The following FHIT variants were observed in gnomAD, a reference collection of about 807,000 sequenced individuals.
The protein encoded by FHIT is bis(5'-adenosyl)-triphosphatase.
FHIT carries 19 observed loss-of-function variants against 17.9 expected under a neutral mutation model. That is an observed-to-expected ratio of 1.06 (90% CI 0.74 to 1.56). FHIT has a LOEUF of 1.56. FHIT is among the 40% of genes most tolerant of loss of function. FHIT has a pLI of 0.00. For synonymous variants in FHIT, 81 were observed against 69.7 expected, an observed-to-expected ratio of 1.16 and a Z score of -0.81; for missense variants, 248 against 189.2, an observed-to-expected ratio of 1.31 and a Z score of -1.82.
chr3:60,276,543 C>A (rs185116684), intron 5 of FHIT, among the ~76,000 whole-genome samples: 5 of 152,194 alleles, frequency 3.3e-5, no homozygotes, highest in Admixed American at 2.0e-4. Context: ...GTTTGTGTCA[C>A]GAGCGAACAA....
In FHIT at chr3:60,860,131, T is replaced by A. The variant is rs928550154; in HGVS notation, c.-110-38120A>T. Among the ~76,000 whole-genome samples the A allele has an allele frequency of 1.7e-4, 25 of 147,898 alleles. 2 individuals are homozygous for A. The highest frequency in any genetic ancestry group is 1.8e-4 in the Non-Finnish European group (12 of 67,190). The stretch of plus-strand genomic sequence containing the variant: ...ATATATGATATATAAATGATATATC[T>A]GATATATATACATATGGTATATATG... On this transcript the variant is annotated intron_variant, in intron 3 of 9. Transcript: ENST00000492590.
chr3:60,142,605 G>A (rs1012298774), intron 5 of FHIT, among the ~76,000 whole-genome samples: 1 of 151,916 alleles, frequency 6.6e-6, no homozygotes, highest in Admixed American at 6.6e-5. Context: ...TTCACAGAGT[G>A]ATCCTCCTGC....
rs549299793 is a variant in FHIT, at chr3:60,301,749, A to T, written c.103+235111T>A. 2.6e-5 allele frequency among the ~76,000 whole-genome samples: 4 copies of T among 152,302 alleles called. No homozygotes were observed. In the South Asian group the frequency reaches 8.3e-4, roughly 32 times the overall value. On this transcript the variant is annotated intron_variant, in intron 5 of 9. Transcript: ENST00000492590. The stretch of plus-strand genomic sequence containing the variant: ...TGAAAATTTTACACCTAATTTTAAC[A>T]GTTACTAATATTACTTCTAGTTAGA...
intron 5 of FHIT, among the ~76,000 whole-genome samples, chr3:60,014,596 T>A (rs567490421): frequency 6.6e-6 from 1 of 152,368 alleles, no homozygotes; most frequent in African/African-American, 2.4e-5. Flanking sequence ...TAATTTAAAT[T>A]ATCTCTTTAG....
At chr3:60,456,874 A>G (rs985058387) in intron 5 of FHIT, among the ~76,000 whole-genome samples, 2 of 152,128 alleles carry the variant, frequency 1.3e-5, no homozygotes, top group Non-Finnish European at 2.9e-5. Context: ...AATTTACAAG[A>G]GAGGTGAAGG....
chr3:61,244,571 C>T (rs900832424), intron 1 of FHIT, among the ~76,000 whole-genome samples: 1 of 152,118 alleles, frequency 6.6e-6, no homozygotes, highest in Admixed American at 6.5e-5. Flanking sequence ...CTCTGACCTT[C>T]CTTCTGCCCT....
intron 4 of FHIT, chr3:60,729,939 G>C (rs528053059): frequency 5.8e-6 from 1 of 173,418 alleles, no homozygotes; most frequent in East Asian, 1.7e-4. Flanking sequence ...CATAAGCTGT[G>C]ACTGTATAGT....
intron 8 of FHIT, among the ~76,000 whole-genome samples, chr3:59,919,032 C>G (rs1219604526): frequency 6.6e-6 from 1 of 152,082 alleles, no homozygotes; most frequent in East Asian, 1.9e-4. Context: ...ATGAACTTAA[C>G]AATGAAAACA....
At chr3:61,206,460 T>C (rs2039235674) in intron 1 of FHIT, among the ~76,000 whole-genome samples, 1 of 152,002 alleles carries the variant, frequency 6.6e-6, no homozygotes, top group Non-Finnish European at 1.5e-5. Flanking sequence ...GCATGGAATG[T>C]TCTTCCATTT....
intron 3 of FHIT, among the ~76,000 whole-genome samples, chr3:60,912,253 T>G (rs1706784129): frequency 6.6e-6 from 1 of 152,128 alleles, no homozygotes; most frequent in South Asian, 2.1e-4. Context: ...GTGCTAGGTT[T>G]TTGATTGAGC....
intron 1 of FHIT, among the ~76,000 whole-genome samples, chr3:61,201,748 CT>C (rs1355586969): frequency 6.6e-6 from 1 of 151,224 alleles, no homozygotes; most frequent in African/African-American, 2.5e-5. Context: ...CTCCTTCCCC[CT>C]GAGCTACACC....
chr3:60,188,102 C>T (rs978934627), intron 5 of FHIT, among the ~76,000 whole-genome samples: 2 of 151,808 alleles, frequency 1.3e-5, no homozygotes, highest in African/African-American at 4.8e-5. Flanking sequence ...CTTGGACCAT[C>T]TACACCTTTT....
At chr3:60,429,162 G>A (rs956333093) in intron 5 of FHIT, among the ~76,000 whole-genome samples, 10 of 151,840 alleles carry the variant, frequency 6.6e-5, no homozygotes, top group African/African-American at 2.2e-4. Context: ...CTGAGGGTAC[G>A]ACATTCATAA....
intron 4 of FHIT, among the ~76,000 whole-genome samples, chr3:60,680,097 T>G (rs908687967): frequency 2.0e-5 from 3 of 152,118 alleles, no homozygotes; most frequent in Admixed American, 6.5e-5. Context: ...GCCATGGGAG[T>G]TGCATGTCTT....
At chr3:60,198,128 T>C (rs1702729768) in intron 5 of FHIT, among the ~76,000 whole-genome samples, 1 of 91,442 alleles carries the variant, frequency 1.1e-5, no homozygotes, top group Non-Finnish European at 2.2e-5. Context: ...TCAAATAAAG[T>C]TTAGATGAGG....
chr3:60,599,169 G>A (rs538442829), intron 4 of FHIT, among the ~76,000 whole-genome samples: 55 of 152,270 alleles, frequency 3.6e-4, no homozygotes, highest in African/African-American at 1.3e-3. Flanking sequence ...TCTTACAGAA[G>A]GGAGAGCTCA....
At chr3:59,794,116 G>C (rs1699679967) in intron 8 of FHIT, among the ~76,000 whole-genome samples, 1 of 152,114 alleles carries the variant, frequency 6.6e-6, no homozygotes, top group South Asian at 2.1e-4. Context: ...ATACCAGATT[G>C]CTCCAGCGGA....
At chr3:60,662,915 T>C (rs1481013664) in intron 4 of FHIT, among the ~76,000 whole-genome samples, 22 of 151,764 alleles carry the variant, frequency 1.4e-4, no homozygotes. Context: ...TGTATGAAGG[T>C]ATGAGATTTA....
intron 9 of FHIT, chr3:59,750,081 TTCTGGTAAGATG>T: frequency 4.4e-6 from 1 of 225,688 alleles, no homozygotes; most frequent in Non-Finnish European, 8.8e-6. Context: ...GTAAATATCT[TTCTGGTAAGATG>T]TACAAGGGAA....
Sources: gnomAD v4.1 joint callset for allele counts (sites outside exome capture counted in the v4.1 genomes callset) on GRCh38, gnomAD v4.1.1 for gene constraint, MANE v1.5 for transcripts, NCBI Gene and HGNC (gene_info 2026-07-23, HGNC 2026-07-21) for gene names.